ABL1: variants seen among roughly 807,000 people sequenced by gnomAD.
ABL1 encodes the protein tyrosine-protein kinase ABL1.
Under a neutral mutation model 94.7 loss-of-function variants are expected in ABL1, and 11 were observed. The ratio of observed to expected loss-of-function variants is 0.12; its 90% CI spans 0.07 to 0.19. ABL1 has a LOEUF of 0.19. Ranked by LOEUF, ABL1 falls within the 10% of genes least tolerant of loss-of-function variation. The probability of loss-of-function intolerance (pLI) is 1.00; values close to 1 mark genes in which losing one functional copy is unlikely to be tolerated. For synonymous variants in ABL1, 656 were observed against 622.4 expected (o/e 1.05, Z -0.80); for missense variants, 1,082 against 1,489.4 (o/e 0.73, Z 4.50).
In ABL1 at chr9:130,884,755, T is replaced by C; in HGVS notation, c.2465T>C (p.Val822Ala). ...ACTCCAAAACCCCTCCGGCGGCAGG[T>C]CACCGTGGCCCCTGCCTCGGGCCTC... The part of the protein sequence containing the change: ...NLTPKPLRRQ[V>A]TVAPASGLPH... The change falls in exon 11 of 11, where the codon GTC becomes GCC. Residue 822 changes from valine (V) to alanine (A), a missense_variant. Around this residue, in one of 7 missense-constraint regions of ABL1, gnomAD observed 780 missense variants for 835.8 expected, o/e 0.93. Coordinates refer to ENST00000318560, the MANE Select transcript of ABL1 (RefSeq NM_005157.6). This position sits in a 1 kb window ranked among gnomAD's most constrained non-coding sequence, Gnocchi z 5.6. 6.2e-7 allele frequency: 1 copy of C among 1,612,216 alleles called. No individual in the cohort carries two copies. Among genetic ancestry groups the C allele is most frequent in the African/African-American group, 1.3e-5 (1 of 74,968 alleles).
chr9:130,740,724 T>C (rs141260504), intron 1 of ABL1, among the ~76,000 whole-genome samples: 21 of 152,198 alleles, frequency 1.4e-4, no homozygotes, highest in African/African-American at 4.8e-4. Flanking sequence ...GGCACGATCA[T>C]CGCTCACTTC....
At chr9:130,883,453 TGCCACTGCACTCCAGCGTAGGCAACAA>T (rs1831500824) in intron 10 of ABL1, among the ~76,000 whole-genome samples, 2 of 149,676 alleles carry the variant, frequency 1.3e-5, no homozygotes, top group South Asian at 4.2e-4. Context: ...GCTGAGATCG[TGCCACTGCACTCCAGCGTAGGCAACAA>T]GCGAGACTCC....
At position 130,819,079 on chromosome 9, in the gene ABL1, C is replaced by T. The variant is rs541705861; in HGVS notation, c.137-34985C>T. On this transcript the variant is annotated intron_variant, in intron 1 of 10. Coordinates refer to the ABL1 transcript ENST00000372348. ...TCAGAAATTGTCTCATCCTGCCGGGCGCGATGGCTCATGCCTCTAATCCCA... is the reference window on the plus strand; with the variant it reads ...TCAGAAATTGTCTCATCCTGCCGGGTGCGATGGCTCATGCCTCTAATCCCA... Among the ~76,000 whole-genome samples the T allele has an allele frequency of 1.1e-3, 175 of 152,276 alleles. 2 individuals carry two copies. In the Middle Eastern group the frequency reaches 0.014, roughly 12 times the overall value.
At chr9:130,875,148 TTTTG>T in intron 7 of ABL1, 96 bp downstream of exon 7, 1 of 1,350,598 alleles carries the variant, frequency 7.4e-7, no homozygotes, top group Non-Finnish European at 1.0e-6. Flanking sequence ...CTTCCTTTCT[TTTTG>T]TTTTTTTGAG....
intron 1 of ABL1, among the ~76,000 whole-genome samples, chr9:130,746,196 A>G (rs1318012965): frequency 2.7e-5 from 4 of 148,046 alleles, no homozygotes; most frequent in Non-Finnish European, 5.9e-5. Flanking sequence ...CTTGTTCCTA[A>G]ATTTAAAGTT....
At chr9:130,731,188 A>G (rs1239374865) in intron 1 of ABL1, among the ~76,000 whole-genome samples, 4 of 148,438 alleles carry the variant, frequency 2.7e-5, no homozygotes, top group African/African-American at 4.9e-5. Context: ...TGTGTTTTTA[A>G]TAGAGAAGGG....
chr9:130,714,131 C>CA, exon 1 of ABL1: 1 of 450,976 alleles, frequency 2.2e-6, no homozygotes, highest in East Asian at 3.5e-5. Context: ...CTCCTGCTTG[C>CA]AAGTGTCAAC....
intron 1 of ABL1, among the ~76,000 whole-genome samples, chr9:130,724,509 G>A (rs1033280024): frequency 2.0e-5 from 3 of 148,872 alleles, no homozygotes; most frequent in African/African-American, 7.4e-5. Flanking sequence ...TTATTGTGTG[G>A]CTAATCTTTG....
At chr9:130,717,461 T>C (rs1588208345) in intron 1 of ABL1, among the ~76,000 whole-genome samples, 2 of 152,062 alleles carry the variant, frequency 1.3e-5, no homozygotes, top group Admixed American at 1.3e-4. Flanking sequence ...CCCAGCACTT[T>C]GGGAGGCCGA....
intron 1 of ABL1, among the ~76,000 whole-genome samples, chr9:130,762,159 A>AT (rs1832124370): frequency 6.6e-6 from 1 of 151,260 alleles, no homozygotes; most frequent in Non-Finnish European, 1.5e-5. Context: ...AAAAAAAAAA[A>AT]TTCACAAGTA....
At chr9:130,758,732 C>T (rs1464140912) in intron 1 of ABL1, among the ~76,000 whole-genome samples, 1 of 152,200 alleles carries the variant, frequency 6.6e-6, no homozygotes, top group Non-Finnish European at 1.5e-5. Flanking sequence ...CGCATCCGGC[C>T]CCAATTTATT....
rs974966555 is a variant in ABL1 at position 130,884,430 on chromosome 9, C to T, written c.2140C>T (p.Leu714=). 3.7e-6 allele frequency: 6 copies of T among 1,612,296 alleles called. No homozygotes were observed. The highest frequency in any genetic ancestry group is 3.3e-4 in the Middle Eastern group (2 of 6,078). The change falls in exon 11 of 11, where the codon CTG becomes TTG. Residue 714 remains leucine, a synonymous_variant. Transcript: ENST00000318560. This position sits in a 1 kb window ranked among gnomAD's most constrained non-coding sequence, Gnocchi z 5.6. ...CGGTGGCAGCTCCAGCAAGCGCTTC[C>T]TGCGCTCTTGCTCCGCCTCCTGCGT... The part of the protein sequence containing the change: ...EGGGSSSKRF[L]RSCSASCVPH...
intron 6 of ABL1, among the ~76,000 whole-genome samples, chr9:130,874,456 G>C (rs1377879028): frequency 6.6e-6 from 1 of 152,220 alleles, no homozygotes; most frequent in African/African-American, 2.4e-5. Context: ...CTCAGTGTTT[G>C]TCTCCGTGCC....
rs531504252 is a variant in ABL1 at position 130,753,925 on chromosome 9, G to A, written c.136+39470G>A. Among the ~76,000 whole-genome samples the A allele has an allele frequency of 6.0e-4, 92 of 152,122 alleles. 1 individual carries two copies. Among genetic ancestry groups the A allele is most frequent in the African/African-American group, 1.3e-3 (52 of 41,524 alleles). On this transcript the variant is annotated intron_variant, in intron 1 of 10. Coordinates refer to the ABL1 transcript ENST00000372348. ...TGCTGTTTTGAAAATATTTATTGTC[G>A]CTGGGCGCGGTGGCTCACGCCTGTA...
At chr9:130,811,521 AGCTTTTTACACT>A (rs1267827793) in intron 1 of ABL1, among the ~76,000 whole-genome samples, 4 of 152,238 alleles carry the variant, frequency 2.6e-5, no homozygotes, top group Non-Finnish European at 2.9e-5. Context: ...TACTCTTGTA[AGCTTTTTACACT>A]ACATGTGAAG....
rs372281632 is a variant in ABL1, at chr9:130,884,454, G to A, written c.2164G>A (p.Val722Ile). The change falls in exon 11 of 11, where the codon GTT becomes ATT. Residue 722 changes from valine to isoleucine, a missense_variant. Transcript: ENST00000318560. The surrounding 1 kb of genome is among the most constrained non-coding windows in gnomAD (Gnocchi z 5.6). ...RFLRSCSASC[V>I]PHGAKDTEWR... The stretch of plus-strand genomic sequence containing the variant: ...CCTGCGCTCTTGCTCCGCCTCCTGC[G>A]TTCCCCATGGGGCCAAGGACACGGA... 322 of 1,612,726 alleles carry A rather than the reference G, an allele frequency of 2.0e-4. No individual in the cohort carries two copies. Among genetic ancestry groups the A allele is most frequent in the Non-Finnish European group, 2.4e-4 (281 of 1,179,978 alleles).
intron 1 of ABL1, among the ~76,000 whole-genome samples, chr9:130,764,953 CAA>C (rs796266543): frequency 0.049 from 5,174 of 105,020 alleles, 300 homozygotes; most frequent in African/African-American, 0.16. Flanking sequence ...AAGACTGTCT[CAA>C]AAAAAAAAAA....
intron 1 of ABL1, among the ~76,000 whole-genome samples, chr9:130,769,040 G>A (rs1405677116): frequency 6.6e-6 from 1 of 152,098 alleles, no homozygotes; most frequent in Non-Finnish European, 1.5e-5. Flanking sequence ...GATCGGGGTG[G>A]GTATGGCCTG....
At chr9:130,748,579 CTTTT>C (rs1438941218) in intron 1 of ABL1, among the ~76,000 whole-genome samples, 1 of 148,592 alleles carries the variant, frequency 6.7e-6, no homozygotes, top group Admixed American at 6.7e-5. Context: ...TGCCTAGCTA[CTTTT>C]TTTTTTTTTT....
Sources: gnomAD v4.1 joint callset for allele counts (sites outside exome capture counted in the v4.1 genomes callset) on GRCh38, gnomAD v4.1.1 for gene constraint, gnomAD v4.1.1 regional missense constraint, Gnocchi (gnomAD v3.1) non-coding constraint, MANE v1.5 for transcripts, NCBI Gene and HGNC (gene_info 2026-07-23, HGNC 2026-07-21) for gene names.